The following PTPRK variants were observed in gnomAD, a reference collection of about 807,000 sequenced individuals.
PTPRK encodes the protein protein tyrosine phosphatase receptor type K, also known as receptor-type tyrosine-protein phosphatase kappa.
In PTPRK, 75 loss-of-function variants were observed where a neutral mutation model predicts 178.0. The observed-to-expected ratio is 0.42, with a 90% confidence interval of 0.35 to 0.51. PTPRK has a LOEUF of 0.51. PTPRK is among the 20% of genes least tolerant of loss of function. The pLI, the probability that PTPRK is intolerant of heterozygous loss-of-function variation, is 0.02. For synonymous variants in PTPRK, 637 were observed against 620.6 expected (o/e 1.03, Z -0.39); for missense variants, 1,441 against 1,797.8 (o/e 0.80, Z 3.59).
At chr6:128,103,682 CATG>C (rs1177269437) in intron 7 of PTPRK, among the ~76,000 whole-genome samples, 2 of 152,194 alleles carry the variant, frequency 1.3e-5, no homozygotes, top group African/African-American at 4.8e-5. Flanking sequence ...TTTCCCCCTG[CATG>C]ATGTTTAGAT....
intron 2 of PTPRK, among the ~76,000 whole-genome samples, chr6:128,363,115 A>G (rs1834995405): frequency 1.3e-5 from 2 of 152,172 alleles, no homozygotes; most frequent in South Asian, 4.1e-4. Flanking sequence ...TGCAACATTT[A>G]TTTTGTGTTA....
intron 13 of PTPRK, among the ~76,000 whole-genome samples, chr6:128,051,717 A>G (rs1779032507): frequency 6.6e-6 from 1 of 152,040 alleles, no homozygotes; most frequent in Admixed American, 6.6e-5. Context: ...TCATCTTTCT[A>G]TATTATCTTG....
chr6:128,000,380 T>C (rs1777686281), intron 15 of PTPRK: 5 of 1,172,080 alleles, frequency 4.3e-6, no homozygotes, highest in Non-Finnish European at 5.4e-6. Flanking sequence ...TGTGTGCCTC[T>C]GTAATTTAGC....
chr6:128,502,401 C>T (rs149470014), intron 1 of PTPRK, among the ~76,000 whole-genome samples: 67 of 152,320 alleles, frequency 4.4e-4, no homozygotes, highest in African/African-American at 1.3e-3. Context: ...TTTGTGTCAA[C>T]GAACCTAAAG....
intron 11 of PTPRK, among the ~76,000 whole-genome samples, chr6:128,074,442 T>C (rs1375512733): frequency 2.0e-5 from 3 of 152,064 alleles, no homozygotes; most frequent in African/African-American, 7.2e-5. Context: ...TTTGTAATTA[T>C]ATTTTCCCAG....
At chr6:128,223,964 T>C (rs1810848554) in intron 5 of PTPRK, among the ~76,000 whole-genome samples, 1 of 152,188 alleles carries the variant, frequency 6.6e-6, no homozygotes, top group Non-Finnish European at 1.5e-5. Context: ...GCTAATATAA[T>C]CTATATTAGA....
At chr6:128,119,755 A>C (rs1792148161) in intron 7 of PTPRK, among the ~76,000 whole-genome samples, 1 of 152,064 alleles carries the variant, frequency 6.6e-6, no homozygotes, top group African/African-American at 2.4e-5. Context: ...AGTAACTGCA[A>C]TGCTTAGGAG....
chr6:128,139,185 G>A (rs1795429020), intron 7 of PTPRK, among the ~76,000 whole-genome samples: 1 of 152,022 alleles, frequency 6.6e-6, no homozygotes, highest in Admixed American at 6.6e-5. Flanking sequence ...CAACATTATG[G>A]AGAACGAACA....
chr6:128,092,551 G>A (rs558587804), intron 7 of PTPRK, among the ~76,000 whole-genome samples: 2 of 152,216 alleles, frequency 1.3e-5, no homozygotes, highest in African/African-American at 2.4e-5. Context: ...ATACACATAT[G>A]CAGTACATAC....
At chr6:128,412,166 AT>A (rs1842381188) in intron 1 of PTPRK, among the ~76,000 whole-genome samples, 1 of 152,220 alleles carries the variant, frequency 6.6e-6, no homozygotes, top group Non-Finnish European at 1.5e-5. Context: ...TGGTAAATTA[AT>A]ATCTCTTTCC....
chr6:128,465,450 G>C (rs1419108451), intron 1 of PTPRK, among the ~76,000 whole-genome samples: 3 of 151,726 alleles, frequency 2.0e-5, no homozygotes. Context: ...GAATTCCTTA[G>C]GGTTCTAAGT....
intron 7 of PTPRK, among the ~76,000 whole-genome samples, chr6:128,177,970 T>G (rs17055415): frequency 6.6e-6 from 1 of 151,766 alleles, no homozygotes; most frequent in African/African-American, 2.4e-5. Flanking sequence ...CATCTGTCCA[T>G]ATAGATTTCC....
chr6:128,167,580 T>A (rs1042329000), intron 7 of PTPRK, among the ~76,000 whole-genome samples: 1 of 152,002 alleles, frequency 6.6e-6, no homozygotes, highest in Non-Finnish European at 1.5e-5. Flanking sequence ...ATACTTCATA[T>A]AACTAGGTGG....
intron 7 of PTPRK, among the ~76,000 whole-genome samples, chr6:128,162,433 G>A (rs1374419331): frequency 6.6e-6 from 1 of 151,616 alleles, no homozygotes; most frequent in African/African-American, 2.4e-5. Flanking sequence ...CATGTGTTGG[G>A]AAAGCCAGAA....
chr6:128,261,582 T>C (rs1178651078), intron 3 of PTPRK, among the ~76,000 whole-genome samples: 1 of 152,184 alleles, frequency 6.6e-6, no homozygotes, highest in African/African-American at 2.4e-5. Context: ...AGCAAAACTG[T>C]CCAGCAAAAT....
At chr6:128,450,097 G>A (rs1847585138) in intron 1 of PTPRK, among the ~76,000 whole-genome samples, 1 of 147,004 alleles carries the variant, frequency 6.8e-6, no homozygotes. Context: ...CAGCCTGGGT[G>A]ACAAAGCAAG....
chr6:128,003,789 C>T (rs1486486882), intron 15 of PTPRK, among the ~76,000 whole-genome samples: 1 of 151,780 alleles, frequency 6.6e-6, no homozygotes, highest in African/African-American at 2.4e-5. Context: ...TTCCGCAAAA[C>T]TTACTTTCAA....
At chr6:128,037,052 G>A (rs1776352231) in intron 13 of PTPRK, among the ~76,000 whole-genome samples, 1 of 152,010 alleles carries the variant, frequency 6.6e-6, no homozygotes, top group Non-Finnish European at 1.5e-5. Context: ...CATTCTTTTA[G>A]TTGTGCTTGG....
chr6:128,098,086 C>G lies in PTPRK; in HGVS notation c.1163-8094G>C, dbSNP rs575148696. Among the ~76,000 whole-genome samples the G allele has an allele frequency of 2.0e-5, 3 of 152,094 alleles. No homozygotes were observed. In the East Asian group the frequency reaches 5.8e-4, roughly 29 times the overall value. On this transcript the variant is annotated intron_variant, in intron 7 of 29. Transcript: ENST00000368226. ...GAAAAATGAGGTAATATTTTGCATG[C>G]CAAGTACAGTGGTTGATCCATAGTA...
Sources: gnomAD v4.1 joint callset for allele counts (sites outside exome capture counted in the v4.1 genomes callset) on GRCh38, gnomAD v4.1.1 for gene constraint, MANE v1.5 for transcripts, NCBI Gene and HGNC (gene_info 2026-07-23, HGNC 2026-07-21) for gene names.